Variants in CACUL1 observed in about 807,000 individuals in gnomAD.
CACUL1 encodes the protein CDK2 associated cullin domain 1.
CACUL1 carries 13 observed loss-of-function variants against 45.2 expected under a neutral mutation model. The observed-to-expected ratio is 0.29, with a 90% CI of 0.19 to 0.46. The LOEUF is 0.46. Ranked by LOEUF, CACUL1 falls within the 20% of genes least tolerant of loss-of-function variation. CACUL1 has a pLI of 1.00. For missense variants in CACUL1, 421 were observed against 471.4 expected, an observed-to-expected ratio of 0.89 and a Z score of 0.99; for synonymous variants, 197 against 174.2, an observed-to-expected ratio of 1.13 and a Z score of -1.03.
At chr10:118,751,585 C>T (rs1197931176) in intron 1 of CACUL1, among the ~76,000 whole-genome samples, 3 of 152,156 alleles carry the variant, frequency 2.0e-5, no homozygotes, top group Non-Finnish European at 4.4e-5. Flanking sequence ...CTCGCACTTA[C>T]ACCACTTTAA....
rs1197642937 is a variant in CACUL1, at chr10:118,683,715, CAG to C, written c.*2411_*2412del. On this transcript the variant is annotated 3_prime_UTR_variant, in exon 9 of 9. Coordinates refer to ENST00000369151, the MANE Select transcript of CACUL1 (RefSeq NM_153810.5). ...ATCTCAAAAACAAAATATAAGAAAACAGAAGAAAACAGTTTCTGGCAAACAGT... is the reference window on the plus strand; with the variant it reads ...ATCTCAAAAACAAAATATAAGAAAACAAGAAAACAGTTTCTGGCAAACAGT... 6.6e-6 allele frequency: 1 copy of C among 151,852 alleles called. No homozygotes were observed. The highest frequency in any genetic ancestry group is 2.4e-5 in the African/African-American group (1 of 41,326). 9.4% of individuals were successfully genotyped at this position (151,852 alleles called of 1,614,324 possible). A position where few individuals can be genotyped will look rare whatever the true frequency, so the allele number is the denominator to read the frequency against.
intron 5 of CACUL1, among the ~76,000 whole-genome samples, chr10:118,697,436 C>T (rs1177095908): frequency 1.3e-5 from 2 of 152,116 alleles, no homozygotes; most frequent in African/African-American, 2.4e-5. Context: ...ATCAATAAGC[C>T]GTATAGTTTA....
At position 118,723,585 on chromosome 10, in the gene CACUL1, A is replaced by C. The variant is rs547474801; in HGVS notation, c.597+5710T>G. On this transcript the variant is annotated intron_variant, in intron 3 of 8. Coordinates refer to ENST00000369151, the MANE Select transcript of CACUL1 (RefSeq NM_153810.5). ...GATGAATTCTCCCAATTCTTGCCTAAAAATGTACTTCACAATTTTGCCTGG... is the reference window on the plus strand; with the variant it reads ...GATGAATTCTCCCAATTCTTGCCTACAAATGTACTTCACAATTTTGCCTGG... Among the ~76,000 whole-genome samples, 39 of 152,280 alleles carry C rather than the reference A, an allele frequency of 2.6e-4. No individual in the cohort carries two copies. The South Asian group carries it at 7.9e-3, about 31-fold the overall frequency.
intron 5 of CACUL1, among the ~76,000 whole-genome samples, chr10:118,696,466 C>A (rs1258840578): frequency 6.6e-6 from 1 of 152,066 alleles, no homozygotes; most frequent in Admixed American, 6.5e-5. Context: ...CTTGGTGAAA[C>A]CCCCGTCTCT....
intron 3 of CACUL1, among the ~76,000 whole-genome samples, chr10:118,724,378 T>A (rs1845632192): frequency 6.6e-6 from 1 of 152,184 alleles, no homozygotes; most frequent in African/African-American, 2.4e-5. Flanking sequence ...GTGGTCTGAT[T>A]TTTGTAATTG....
chr10:118,727,720 A>C (rs1376720167), intron 3 of CACUL1, among the ~76,000 whole-genome samples: 1 of 152,216 alleles, frequency 6.6e-6, no homozygotes, highest in Non-Finnish European at 1.5e-5. Context: ...AAACTGGTTA[A>C]ATTAAGGTGT....
At chr10:118,705,075 TC>T (rs1459729247) in intron 4 of CACUL1, among the ~76,000 whole-genome samples, 1 of 152,240 alleles carries the variant, frequency 6.6e-6, no homozygotes, top group Non-Finnish European at 1.5e-5. Context: ...TCAGAGTAAG[TC>T]TGAAGTTCAT....
At chr10:118,687,576 C>T (rs1845220509) in intron 7 of CACUL1, among the ~76,000 whole-genome samples, 1 of 152,172 alleles carries the variant, frequency 6.6e-6, no homozygotes, top group Admixed American at 6.5e-5. Context: ...ATTTATCAAC[C>T]CAGATGAGAG....
chr10:118,691,866 CAAAAAA>C (rs754241223), intron 6 of CACUL1, among the ~76,000 whole-genome samples: 42 of 95,418 alleles, frequency 4.4e-4, no homozygotes, highest in African/African-American at 2.0e-3. Context: ...GACTCCGTCT[CAAAAAA>C]AAAAAAAAAA....
intron 1 of CACUL1, among the ~76,000 whole-genome samples, chr10:118,734,082 C>A (rs913023384): frequency 6.6e-6 from 1 of 152,166 alleles, no homozygotes; most frequent in Non-Finnish European, 1.5e-5. Flanking sequence ...TGATTTACTA[C>A]TTTAAAATGA....
At chr10:118,712,466 G>A (rs1845495820) in intron 3 of CACUL1, among the ~76,000 whole-genome samples, 1 of 152,250 alleles carries the variant, frequency 6.6e-6, no homozygotes, top group Non-Finnish European at 1.5e-5. Context: ...GCATGTCTCA[G>A]CCCTGTTTGT....
At chr10:118,750,049 G>A (rs976186028) in intron 1 of CACUL1, among the ~76,000 whole-genome samples, 3 of 152,208 alleles carry the variant, frequency 2.0e-5, no homozygotes, top group African/African-American at 4.8e-5. Flanking sequence ...AAGGAGGGCC[G>A]GGCGTGGTGG....
intron 7 of CACUL1, 41 bp from the exon 8 acceptor site, chr10:118,686,682 T>A (rs1845210623): frequency 7.0e-7 from 1 of 1,420,752 alleles, no homozygotes; most frequent in South Asian, 1.1e-5. Context: ...TGACTTCACA[T>A]CAAAACAGGA....
chr10:118,724,566 A>C (rs1407937550), intron 3 of CACUL1, among the ~76,000 whole-genome samples: 1 of 152,208 alleles, frequency 6.6e-6, no homozygotes, highest in Non-Finnish European at 1.5e-5. Context: ...TGATTAATTA[A>C]GGAAAGCAAT....
chr10:118,708,155 A>AAG (rs1323559548), intron 3 of CACUL1, among the ~76,000 whole-genome samples: 1 of 151,526 alleles, frequency 6.6e-6, no homozygotes, highest in African/African-American at 2.4e-5. Context: ...CTCAAAAAAA[A>AAG]AAAAAAAAAA....
At chr10:118,696,084 T>C (rs1402878925) in intron 5 of CACUL1, among the ~76,000 whole-genome samples, 4 of 152,218 alleles carry the variant, frequency 2.6e-5, no homozygotes, top group Non-Finnish European at 4.4e-5. Context: ...ACTAGGCCAA[T>C]AAGGATTTTA....
intron 3 of CACUL1, among the ~76,000 whole-genome samples, chr10:118,713,006 C>T (rs1845505698): frequency 1.3e-5 from 2 of 152,260 alleles, no homozygotes; most frequent in South Asian, 4.1e-4. Context: ...TGTCTGCCTC[C>T]TGCTGCCATT....
chr10:118,725,382 C>G (rs566713205), intron 3 of CACUL1, among the ~76,000 whole-genome samples: 5 of 152,108 alleles, frequency 3.3e-5, no homozygotes, highest in Non-Finnish European at 4.4e-5. Context: ...GCCGGAGGAT[C>G]ATTTGAGCCC....
rs1045891 is a variant in CACUL1, at chr10:118,681,221, T to A, written c.*4907A>T. 6.6e-6 allele frequency: 1 copy of A among 152,260 alleles called. No homozygotes were observed. Among genetic ancestry groups the A allele is most frequent in the South Asian group, 2.1e-4 (1 of 4,836 alleles). 9.4% of individuals were successfully genotyped at this position (152,260 alleles called of 1,614,324 possible). The stretch of plus-strand genomic sequence containing the variant: ...ATGGCTTCTGACATACAAGCACCAC[T>A]AGGAACAAGACTTCATTGCTTCATC... On this transcript the variant is annotated 3_prime_UTR_variant, in exon 9 of 9. Coordinates refer to ENST00000369151, the MANE Select transcript of CACUL1 (RefSeq NM_153810.5).
Sources: allele counts gnomAD v4.1 joint callset (sites outside exome capture counted in the v4.1 genomes callset), GRCh38; gene constraint gnomAD v4.1.1; transcripts MANE v1.5; gene names NCBI Gene and HGNC (gene_info 2026-07-23, HGNC 2026-07-21).